Variants in CTTNBP2 observed in about 807,000 individuals in gnomAD.
CTTNBP2 encodes cortactin-binding protein 2.
In CTTNBP2, 108 loss-of-function variants were observed where a neutral mutation model predicts 156.9. The observed-to-expected ratio is 0.69, with a 90% confidence interval of 0.59 to 0.81. The LOEUF is 0.81. Among genes scored for constraint, CTTNBP2 ranks in the 30% least tolerant of loss-of-function variants. The pLI, the probability that CTTNBP2 is intolerant of heterozygous loss-of-function variation, is 0.00. For synonymous variants in CTTNBP2, 767 were observed against 751.8 expected (o/e 1.02, Z -0.33); for missense variants, 1,924 against 2,035.4 (o/e 0.95, Z 1.05).
chr7:117,737,393 G>A (rs1185409799), intron 14 of CTTNBP2, among the ~76,000 whole-genome samples: 1 of 152,140 alleles, frequency 6.6e-6, no homozygotes, highest in Non-Finnish European at 1.5e-5. Flanking sequence ...CCTGATTTGT[G>A]TTAAGTGCAT....
intron 2 of CTTNBP2, among the ~76,000 whole-genome samples, chr7:117,853,532 G>A (rs1482370009): frequency 6.6e-6 from 1 of 152,158 alleles, no homozygotes; most frequent in Non-Finnish European, 1.5e-5. Flanking sequence ...AGCCACCCAT[G>A]AGCTGGCTAA....
In CTTNBP2 at chr7:117,791,668, G is replaced by A. The variant is rs143290870; in HGVS notation, c.1528C>T (p.Pro510Ser). ...ACATCCCCTGTTGGGGGCACTCCAG[G>A]CCTTGAGGGAGCACCTGCTTGAGGG... ...TSPQAGAPSR[P>S]GVPPTGDVGT... Residue 510 changes from proline to serine, a missense_variant, in exon 4 of 23, where the codon CCT becomes TCT. Pro to Ser is a moderately conservative substitution (Grantham distance 74, BLOSUM62 -1). Coordinates refer to ENST00000160373, the MANE Select transcript of CTTNBP2 (RefSeq NM_033427.3). 1.2e-6 allele frequency: 2 copies of A among 1,614,192 alleles called. No homozygotes were observed. Among genetic ancestry groups the A allele is most frequent in the South Asian group, 1.1e-5 (1 of 91,076 alleles).
intron 3 of CTTNBP2, among the ~76,000 whole-genome samples, chr7:117,798,462 AAC>A (rs1338090821): frequency 6.6e-6 from 1 of 152,160 alleles, no homozygotes; most frequent in African/African-American, 2.4e-5. Flanking sequence ...TCAAAAATAA[AAC>A]AATATATTGC....
chr7:117,720,771 G>A (rs1436643675), intron 20 of CTTNBP2, among the ~76,000 whole-genome samples: 2 of 152,160 alleles, frequency 1.3e-5, no homozygotes, highest in Non-Finnish European at 2.9e-5. Flanking sequence ...GTTCACAAAT[G>A]CATAAACAAA....
intron 1 of CTTNBP2, among the ~76,000 whole-genome samples, chr7:117,867,925 C>G (rs549435149): frequency 3.8e-4 from 58 of 152,178 alleles, no homozygotes; most frequent in African/African-American, 1.3e-3. Context: ...GGAAGGAAAC[C>G]TGGTAATGGA....
intron 2 of CTTNBP2, among the ~76,000 whole-genome samples, chr7:117,840,535 A>G (rs1462645214): frequency 6.6e-6 from 1 of 152,150 alleles, no homozygotes; most frequent in African/African-American, 2.4e-5. Flanking sequence ...TCTTAACAAC[A>G]ACAACAAAAA....
intron 9 of CTTNBP2, among the ~76,000 whole-genome samples, chr7:117,766,269 T>C (rs1261023917): frequency 5.9e-5 from 9 of 152,176 alleles, no homozygotes; most frequent in Non-Finnish European, 1.2e-4. Context: ...TAAAGCCTTC[T>C]GTCAACCAAA....
At chr7:117,831,999 C>T (rs1801640890) in intron 2 of CTTNBP2, among the ~76,000 whole-genome samples, 1 of 152,142 alleles carries the variant, frequency 6.6e-6, no homozygotes, top group Non-Finnish European at 1.5e-5. Context: ...AATTCAACTA[C>T]CTGTTAAATA....
chr7:117,842,863 T>C (rs969952838), intron 2 of CTTNBP2, among the ~76,000 whole-genome samples: 1 of 152,242 alleles, frequency 6.6e-6, no homozygotes, highest in Non-Finnish European at 1.5e-5. Flanking sequence ...CAAATACTTA[T>C]TGAGCCAGGT....
At chr7:117,791,009 G>A (rs1374941353) in intron 4 of CTTNBP2, 119 bp downstream of exon 4, 1 of 778,330 alleles carries the variant, frequency 1.3e-6, no homozygotes, top group African/African-American at 1.7e-5. Context: ...AAAAGAAATG[G>A]GGGTGGGGGG....
intron 8 of CTTNBP2, among the ~76,000 whole-genome samples, chr7:117,773,202 G>A (rs918314462): frequency 2.6e-5 from 4 of 152,144 alleles, no homozygotes; most frequent in African/African-American, 9.7e-5. Context: ...AATAACTTTA[G>A]TGACTCCTAT....
intron 10 of CTTNBP2, among the ~76,000 whole-genome samples, chr7:117,758,322 G>C (rs1355567571): frequency 6.6e-6 from 1 of 151,756 alleles, no homozygotes; most frequent in African/African-American, 2.4e-5. Flanking sequence ...TCCAAAGCTT[G>C]TTTCTCAAAG....
intron 2 of CTTNBP2, among the ~76,000 whole-genome samples, chr7:117,846,136 C>A (rs1394952284): frequency 6.6e-6 from 1 of 152,124 alleles, no homozygotes; most frequent in South Asian, 2.1e-4. Flanking sequence ...CAGGCGTGAG[C>A]CACCGCGCCC....
At chr7:117,839,654 A>G (rs1338943920) in intron 2 of CTTNBP2, among the ~76,000 whole-genome samples, 1 of 152,170 alleles carries the variant, frequency 6.6e-6, no homozygotes, top group Non-Finnish European at 1.5e-5. Flanking sequence ...GCAAGGTCAA[A>G]TCTCTGACTT....
At chr7:117,766,150 G>A (rs73473688) in intron 9 of CTTNBP2, among the ~76,000 whole-genome samples, 1,858 of 152,180 alleles carry the variant, frequency 0.012, 36 homozygotes, top group African/African-American at 0.042. Flanking sequence ...GTTAGCATCA[G>A]CTTGTAATAA....
intron 19 of CTTNBP2, among the ~76,000 whole-genome samples, chr7:117,723,752 CTTTT>C (rs35193550): frequency 3.0e-5 from 4 of 133,530 alleles, no homozygotes; most frequent in Non-Finnish European, 4.8e-5. Flanking sequence ...ACGGCAGGAT[CTTTT>C]TTTTTTTTTT....
intron 2 of CTTNBP2, among the ~76,000 whole-genome samples, chr7:117,859,715 T>G (rs1427608606): frequency 6.6e-6 from 1 of 152,206 alleles, no homozygotes; most frequent in Admixed American, 6.5e-5. Flanking sequence ...CAATGTGGAA[T>G]AGGATGAATA....
At position 117,873,401 on chromosome 7, in the gene CTTNBP2, G is replaced by A; in HGVS notation, c.15C>T (p.Gly5=). ...GGGACAAGTCGGGCTCGCAGCTCGC[G>A]CCGTCCGTCGCCATCTTCCTGCTCT... is the stretch of plus-strand genomic sequence containing the variant. MATD[G]ASCEPDLSRA... is the part of the protein sequence containing the mutation. The change falls in exon 1 of 23, where the codon GGC becomes GGT. Residue 5 remains glycine, a synonymous_variant. Transcript: ENST00000160373. 1 of 1,492,640 alleles carries A rather than the reference G, an allele frequency of 6.7e-7. No individual in the cohort carries two copies. Among genetic ancestry groups the A allele is most frequent in the Non-Finnish European group, 8.9e-7 (1 of 1,128,172 alleles). 92.5% of individuals were successfully genotyped at this position (1,492,640 alleles called of 1,614,324 possible).
At chr7:117,776,310 A>G (rs1798095800) in intron 8 of CTTNBP2, among the ~76,000 whole-genome samples, 1 of 152,142 alleles carries the variant, frequency 6.6e-6, no homozygotes. Flanking sequence ...CAATTTCTTC[A>G]TAATCTCAAA....
Sources: gnomAD v4.1 joint callset for allele counts (sites outside exome capture counted in the v4.1 genomes callset) on GRCh38, gnomAD v4.1.1 for gene constraint, MANE v1.5 for transcripts, NCBI Gene and HGNC (gene_info 2026-07-23, HGNC 2026-07-21) for gene names.